The following KCNG3 variants were observed in gnomAD, a reference collection of about 807,000 sequenced individuals.
KCNG3 encodes the protein potassium voltage-gated channel modifier subfamily G member 3.
KCNG3 carries 15 observed loss-of-function variants against 29.0 expected under a neutral mutation model. The ratio of observed to expected loss-of-function variants is 0.52; its 90% CI spans 0.35 to 0.80. The LOEUF is 0.80. Ranked by LOEUF, KCNG3 falls within the 30% of genes least tolerant of loss-of-function variation. The probability of loss-of-function intolerance (pLI) is 0.01; values close to 1 mark genes in which losing one functional copy is unlikely to be tolerated. For synonymous variants in KCNG3, 322 were observed against 248.9 expected, an observed-to-expected ratio of 1.29 and a Z score of -2.76; for missense variants, 512 against 605.7, an observed-to-expected ratio of 0.85 and a Z score of 1.62.
intron 1 of KCNG3, among the ~76,000 whole-genome samples, chr2:42,488,233 T>TA (rs1673778284): frequency 6.6e-6 from 1 of 152,208 alleles, no homozygotes; most frequent in Non-Finnish European, 1.5e-5. Context: ...AGTTCTAAAA[T>TA]ATTGCTTTGG....
the KCNG3 span, among the ~76,000 whole-genome samples, chr2:42,393,488 G>A: frequency 2.0e-5 from 3 of 151,994 alleles, no homozygotes; most frequent in Non-Finnish European, 4.4e-5. Context: ...TTAAACCCAG[G>A]AGGCAGAGGT....
chr2:42,433,822 T>G, the KCNG3 span, among the ~76,000 whole-genome samples: 1 of 152,148 alleles, frequency 6.6e-6, no homozygotes, highest in African/African-American at 2.4e-5. Flanking sequence ...ATTTCTTCTC[T>G]TTTCCTTAAA....
chr2:42,425,398 CAAA>C, the KCNG3 span, among the ~76,000 whole-genome samples: 3 of 82,348 alleles, frequency 3.6e-5, no homozygotes. Flanking sequence ...GACTCCGTCT[CAAA>C]AAAAAAAAAA....
chr2:42,425,823 G>T, the KCNG3 span, among the ~76,000 whole-genome samples: 217 of 152,298 alleles, frequency 1.4e-3, no homozygotes, highest in Non-Finnish European at 2.8e-3. Flanking sequence ...TCACAGCCAG[G>T]AGACACCTTT....
intron 1 of KCNG3, among the ~76,000 whole-genome samples, chr2:42,450,479 C>A (rs982975842): frequency 3.9e-5 from 6 of 152,178 alleles, no homozygotes; most frequent in Non-Finnish European, 5.9e-5. Flanking sequence ...TCACTGAGCA[C>A]AAGAGCAAAC....
At chr2:42,472,903 ATT>A (rs1553330072) in intron 1 of KCNG3, among the ~76,000 whole-genome samples, 3 of 131,536 alleles carry the variant, frequency 2.3e-5, no homozygotes, top group Non-Finnish European at 3.1e-5. Flanking sequence ...ATATATATAT[ATT>A]TTTTTTTTTT....
the KCNG3 span, among the ~76,000 whole-genome samples, chr2:42,418,761 AG>A: frequency 6.6e-6 from 1 of 152,206 alleles, no homozygotes; most frequent in Non-Finnish European, 1.5e-5. Flanking sequence ...GGAAAAACCT[AG>A]GGAGGCTCCA....
the KCNG3 span, among the ~76,000 whole-genome samples, chr2:42,426,251 A>G: frequency 4.6e-5 from 7 of 152,222 alleles, no homozygotes; most frequent in African/African-American, 1.7e-4. Context: ...ATCCCATATT[A>G]AAATAGAAAA....
chr2:42,469,104 T>C (rs544901693), intron 1 of KCNG3, among the ~76,000 whole-genome samples: 2 of 151,486 alleles, frequency 1.3e-5, no homozygotes, highest in East Asian at 3.9e-4. Context: ...ATTAAGACAG[T>C]ATAGTGTGAA....
intron 1 of KCNG3, among the ~76,000 whole-genome samples, chr2:42,446,669 A>G (rs921867152): frequency 2.6e-5 from 4 of 152,212 alleles, no homozygotes; most frequent in Non-Finnish European, 4.4e-5. Context: ...AGTGCATTCC[A>G]CAGAACACAA....
chr2:42,404,069 G>C, the KCNG3 span, among the ~76,000 whole-genome samples: 1 of 151,704 alleles, frequency 6.6e-6, no homozygotes, highest in Non-Finnish European at 1.5e-5. Flanking sequence ...TTTTTTCTGG[G>C]AAAACCGGCC....
chr2:42,449,907 C>G (rs1435062199), intron 1 of KCNG3, among the ~76,000 whole-genome samples: 1 of 152,154 alleles, frequency 6.6e-6, no homozygotes, highest in Admixed American at 6.5e-5. Context: ...AGTTCTCCAG[C>G]TAACATACTC....
chr2:42,454,485 G>C (rs1672832769), intron 1 of KCNG3, among the ~76,000 whole-genome samples: 1 of 152,218 alleles, frequency 6.6e-6, no homozygotes, highest in Non-Finnish European at 1.5e-5. Flanking sequence ...GCCGAGGCGG[G>C]CAGATCACCT....
intron 1 of KCNG3, among the ~76,000 whole-genome samples, chr2:42,489,881 C>T (rs1157735878): frequency 2.6e-5 from 4 of 152,224 alleles, no homozygotes; most frequent in African/African-American, 9.6e-5. Flanking sequence ...TGTCATTTCT[C>T]CTCCATTTCT....
chr2:42,463,543 A>C (rs1440942521), intron 1 of KCNG3: 1 of 170,408 alleles, frequency 5.9e-6, no homozygotes, highest in Non-Finnish European at 1.3e-5. Flanking sequence ...CTCAAAATTC[A>C]TCCGGTAGCC....
intron 1 of KCNG3, among the ~76,000 whole-genome samples, chr2:42,457,575 G>A (rs528187992): frequency 2.0e-5 from 3 of 150,374 alleles, no homozygotes; most frequent in South Asian, 4.2e-4. Flanking sequence ...GGCCAGGCAC[G>A]GTGGCTCATG....
the KCNG3 span, among the ~76,000 whole-genome samples, chr2:42,434,579 T>C: frequency 6.9e-6 from 1 of 144,036 alleles, no homozygotes; most frequent in East Asian, 2.0e-4. Context: ...AAAAAGGGAA[T>C]TGCTTGAACC....
At chr2:42,463,975 G>C (rs1418868980) in intron 1 of KCNG3, 3 of 316,064 alleles carry the variant, frequency 9.5e-6, no homozygotes, top group African/African-American at 6.8e-5. Context: ...GCCAAGATCA[G>C]CGTACGTGGG....
At chr2:42,466,797 G>C (rs1463535918) in intron 1 of KCNG3, among the ~76,000 whole-genome samples, 1 of 146,034 alleles carries the variant, frequency 6.8e-6, no homozygotes, top group Non-Finnish European at 1.5e-5. Context: ...CTGTCATCCA[G>C]GCTGGAGTGC....
Sources: gnomAD v4.1 joint callset for allele counts (sites outside exome capture counted in the v4.1 genomes callset) on GRCh38, gnomAD v4.1.1 for gene constraint, MANE v1.5 for transcripts, NCBI Gene and HGNC (gene_info 2026-07-23, HGNC 2026-07-21) for gene names.